Variants in TCF7L1 observed in about 807,000 individuals in gnomAD.
TCF7L1 encodes transcription factor 7-like 1.
Under a neutral mutation model 63.7 loss-of-function variants are expected in TCF7L1, and 18 were observed. That is an observed-to-expected ratio of 0.28 (90% CI 0.20 to 0.42). The LOEUF (loss-of-function observed/expected upper bound fraction) is 0.42, where lower values mean the gene tolerates loss of function less well. Ranked by LOEUF, TCF7L1 falls within the 10% of genes least tolerant of loss-of-function variation. The pLI, the probability that TCF7L1 is intolerant of heterozygous loss-of-function variation, is 1.00. For missense variants in TCF7L1, 654 were observed against 779.3 expected (o/e 0.84, Z 1.91); for synonymous variants, 355 against 340.9 (o/e 1.04, Z -0.46).
intron 3 of TCF7L1, among the ~76,000 whole-genome samples, chr2:85,246,878 A>T (rs1680479602): frequency 6.6e-6 from 1 of 152,124 alleles, no homozygotes; most frequent in African/African-American, 2.4e-5. Flanking sequence ...AGGACAGGAG[A>T]ATTGCTCTGT....
intron 3 of TCF7L1, among the ~76,000 whole-genome samples, chr2:85,182,753 C>G (rs1678833282): frequency 6.6e-6 from 1 of 152,246 alleles, no homozygotes; most frequent in Admixed American, 6.5e-5. Flanking sequence ...CAATGCAAGT[C>G]TGCATCAGCA....
intron 3 of TCF7L1, among the ~76,000 whole-genome samples, chr2:85,248,562 G>A (rs1167628820): frequency 2.0e-5 from 3 of 152,172 alleles, no homozygotes; most frequent in Admixed American, 6.5e-5. Context: ...CATTTGCAGA[G>A]GAGAAATGGT....
At chr2:85,289,611 C>T (rs779883548) in intron 4 of TCF7L1, among the ~76,000 whole-genome samples, 1 of 152,152 alleles carries the variant, frequency 6.6e-6, no homozygotes, top group Non-Finnish European at 1.5e-5. Context: ...GAAACTTTGC[C>T]ACCTCTCTCT....
At chr2:85,151,100 G>T (rs547498494) in intron 3 of TCF7L1, among the ~76,000 whole-genome samples, 1 of 152,244 alleles carries the variant, frequency 6.6e-6, no homozygotes, top group South Asian at 2.1e-4. Context: ...AGCTTTTATA[G>T]TCTTTATTAT....
chr2:85,208,524 C>T (rs374533955), intron 3 of TCF7L1, among the ~76,000 whole-genome samples: 20 of 152,236 alleles, frequency 1.3e-4, no homozygotes, highest in South Asian at 2.1e-4. Context: ...TAAGCAGAGA[C>T]CCGAAGGAAG....
chr2:85,230,543 CA>C (rs1680053217), intron 3 of TCF7L1, among the ~76,000 whole-genome samples: 1 of 152,130 alleles, frequency 6.6e-6, no homozygotes, highest in South Asian at 2.1e-4. Context: ...CCATGTTGGC[CA>C]GGGTGGTCTC....
At chr2:85,237,032 C>G (rs75567130) in intron 3 of TCF7L1, among the ~76,000 whole-genome samples, 5,855 of 152,260 alleles carry the variant, frequency 0.038, 156 homozygotes, top group Middle Eastern at 0.088. Context: ...TGCTGAGATA[C>G]CACCATAGGC....
At position 85,307,830 on chromosome 2, in the gene TCF7L1, G is replaced by A. The variant is rs979981718; in HGVS notation, c.1333+113G>A. 16 of 962,784 alleles carry A rather than the reference G, an allele frequency of 1.7e-5. No homozygotes were observed. The African/African-American group carries it at 2.3e-4, about 14-fold the overall frequency. The allele number at this position is 962,784 out of a possible 1,614,324, so 59.6% of individuals were successfully genotyped here. ...CAGGGCTTCTGCCTCGGTATTCGCG[G>A]GCGGGTATTATTACCCCTTTCTCGA... On this transcript the variant is annotated intron_variant, in intron 11 of 11. Transcript: ENST00000282111.
rs145419565 is a variant in TCF7L1, at chr2:85,201,129, G to C, written c.441+66679G>C. ...AGGCACAAGAATTCGCTTGAACCTG[G>C]GAGGCGGAGGTTGCAGTGAGCCAAG... is the stretch of plus-strand genomic sequence containing the variant. On this transcript the variant is annotated intron_variant, in intron 3 of 11. Transcript: ENST00000282111. Among the ~76,000 whole-genome samples the C allele has an allele frequency of 1.1e-3, 169 of 152,296 alleles. 2 individuals are homozygous for C. In the East Asian group the frequency reaches 0.029, roughly 27 times the overall value.
intron 3 of TCF7L1, among the ~76,000 whole-genome samples, chr2:85,159,203 T>C (rs1678224644): frequency 6.6e-6 from 1 of 152,048 alleles, no homozygotes; most frequent in South Asian, 2.1e-4. Context: ...TCCTGCAGTG[T>C]CTGCGGCTTC....
chr2:85,276,520 G>A (rs1187966604), intron 3 of TCF7L1, among the ~76,000 whole-genome samples: 1 of 152,172 alleles, frequency 6.6e-6, no homozygotes, highest in Non-Finnish European at 1.5e-5. Flanking sequence ...AATGAAAAAT[G>A]TGAAGAAGCG....
rs896631856 is a variant in TCF7L1 at position 85,268,571 on chromosome 2, A to G, written c.442-14924A>G. 6.1e-5 allele frequency among the ~76,000 whole-genome samples: 9 copies of G among 147,056 alleles called. No individual in the cohort carries two copies. In the Admixed American group the frequency reaches 6.3e-4, roughly 10 times the overall value. The stretch of plus-strand genomic sequence containing the variant: ...TCACTGCAACCTCTGCCTCGTGAGT[A>G]GCTGGGATTACAGGCGCCCGCCACC... On this transcript the variant is annotated intron_variant, in intron 3 of 11. Coordinates refer to ENST00000282111, the MANE Select transcript of TCF7L1 (RefSeq NM_031283.3).
Position 85,134,553 on chromosome 2 carries a change from T to G in TCF7L1, c.441+103T>G. 7.0e-7 allele frequency: 1 copy of G among 1,433,534 alleles called. No individual in the cohort carries two copies. The highest frequency in any genetic ancestry group is 9.2e-7 in the Non-Finnish European group (1 of 1,084,112). 88.8% of individuals were successfully genotyped at this position (1,433,534 alleles called of 1,614,324 possible). A position where few individuals can be genotyped will look rare whatever the true frequency, so the allele number is the denominator to read the frequency against. On this transcript the variant is annotated intron_variant, in intron 3 of 11. Coordinates refer to ENST00000282111, the MANE Select transcript of TCF7L1 (RefSeq NM_031283.3). This position sits in a 1 kb window ranked among gnomAD's most constrained non-coding sequence, Gnocchi z 5.0. ...TGGGGGATGGGGCCTTCTGCGCCGA[T>G]CCCAAGCAGAACTTGTTTGCGGAGT...
chr2:85,283,509 A>G lies in TCF7L1; in HGVS notation c.456A>G (p.Lys152=). 6.2e-7 allele frequency: 1 copy of G among 1,614,112 alleles called. No individual in the cohort carries two copies. The highest frequency in any genetic ancestry group is 1.1e-5 in the South Asian group (1 of 91,078). Reference sequence around the variant, plus strand: ...TCCCTGTGCAGTACCTGCAGATGAAATGGCCCCTCCTCGATGTCCCCTCCA... The same window carrying G: ...TCCCTGTGCAGTACCTGCAGATGAAGTGGCCCCTCCTCGATGTCCCCTCCA... The part of the protein sequence containing the change: ...PGGARTYLQM[K]WPLLDVPSSA... The change falls in exon 4 of 12, where the codon AAA becomes AAG. Residue 152 remains lysine (K), a synonymous_variant. Transcript: ENST00000282111.
chr2:85,304,642 C>T (rs1340551669), intron 7 of TCF7L1, among the ~76,000 whole-genome samples: 1 of 152,144 alleles, frequency 6.6e-6, no homozygotes, highest in African/African-American at 2.4e-5. Context: ...AGGATGGAGC[C>T]GCGTCCTGAT....
At chr2:85,170,629 G>A (rs1462809188) in intron 3 of TCF7L1, among the ~76,000 whole-genome samples, 1 of 151,686 alleles carries the variant, frequency 6.6e-6, no homozygotes, top group African/African-American at 2.4e-5. Context: ...TCTCTCTCTC[G>A]CTCTCTCTCT....
At chr2:85,162,463 AC>A (rs1678312819) in intron 3 of TCF7L1, among the ~76,000 whole-genome samples, 1 of 152,014 alleles carries the variant, frequency 6.6e-6, no homozygotes, top group Non-Finnish European at 1.5e-5. Context: ...AAGCCAGGCC[AC>A]CCCTTATTAA....
intron 3 of TCF7L1, among the ~76,000 whole-genome samples, chr2:85,163,032 A>G (rs1678326236): frequency 6.6e-6 from 1 of 152,004 alleles, no homozygotes; most frequent in African/African-American, 2.4e-5. Context: ...TAAACACAAA[A>G]TGCACTCTCG....
chr2:85,293,540 C>A (rs1223958016), intron 4 of TCF7L1, among the ~76,000 whole-genome samples: 1 of 152,142 alleles, frequency 6.6e-6, no homozygotes, highest in Non-Finnish European at 1.5e-5. Flanking sequence ...AACCTCTTTT[C>A]TTTATAAATT....
Sources: allele counts gnomAD v4.1 joint callset (sites outside exome capture counted in the v4.1 genomes callset), GRCh38; gene constraint gnomAD v4.1.1; non-coding constraint Gnocchi (gnomAD v3.1); transcripts MANE v1.5; gene names NCBI Gene and HGNC (gene_info 2026-07-23, HGNC 2026-07-21).